The following FAM222B variants were observed in gnomAD, a reference collection of about 807,000 sequenced individuals.
The protein encoded by FAM222B is family with sequence similarity 222 member B.
FAM222B carries 12 observed loss-of-function variants against 38.0 expected under a neutral mutation model. The observed-to-expected ratio is 0.32, with a 90% confidence interval of 0.20 to 0.51. FAM222B has a LOEUF of 0.51. FAM222B is among the 20% of genes least tolerant of loss of function. FAM222B has a pLI of 0.97. For synonymous variants in FAM222B, 329 were observed against 317.2 expected (o/e 1.04, Z -0.40); for missense variants, 716 against 754.2 (o/e 0.95, Z 0.59).
chr17:28,782,212 C>CCT (rs2036194782), intron 1 of FAM222B, among the ~76,000 whole-genome samples: 1 of 152,092 alleles, frequency 6.6e-6, no homozygotes, highest in Admixed American at 6.6e-5. Context: ...GTCCCAGCTG[C>CCT]TCGGGAGGCT....
upstream of FAM222B, among the ~76,000 whole-genome samples, chr17:28,844,875 C>A (rs1180201481): frequency 2.6e-5 from 4 of 151,762 alleles, no homozygotes; most frequent in Admixed American, 2.0e-4. Context: ...TTAAGGCGGG[C>A]GGATCACTTG....
chr17:28,808,983 G>A (rs1183288951), intron 1 of FAM222B, among the ~76,000 whole-genome samples: 2 of 152,202 alleles, frequency 1.3e-5, no homozygotes, highest in Middle Eastern at 3.4e-3. Context: ...TGTGAACAGG[G>A]GATTAGTCTC....
intron 1 of FAM222B, among the ~76,000 whole-genome samples, chr17:28,811,256 C>T (rs1272746997): frequency 6.6e-6 from 1 of 152,066 alleles, no homozygotes; most frequent in Non-Finnish European, 1.5e-5. Flanking sequence ...CTGGCTAACA[C>T]GGTGAAACCC....
chr17:28,776,624 T>A (rs2035911277), intron 1 of FAM222B, among the ~76,000 whole-genome samples: 1 of 151,802 alleles, frequency 6.6e-6, no homozygotes, highest in Non-Finnish European at 1.5e-5. Flanking sequence ...GGTTAATTTT[T>A]AAAAATTTTT....
At chr17:28,847,913 CAAAAA>C (rs35199325) in intron 1 of FAM222B, among the ~76,000 whole-genome samples, 2 of 99,470 alleles carry the variant, frequency 2.0e-5, no homozygotes, top group Non-Finnish European at 4.5e-5. Flanking sequence ...GACTCCGCCT[CAAAAA>C]AAAAAAAAAG....
At chr17:28,838,067 A>AC (rs1402815482) in intron 1 of FAM222B, among the ~76,000 whole-genome samples, 1 of 151,260 alleles carries the variant, frequency 6.6e-6, no homozygotes, top group Non-Finnish European at 1.5e-5. Context: ...GGAGTTCGAG[A>AC]CCAGACTGGC....
Position 28,758,265 on chromosome 17 carries a change from G to A in FAM222B, c.*5C>T. 5.8e-6 allele frequency: 9 copies of A among 1,557,922 alleles called. No individual in the cohort carries two copies. The highest frequency in any genetic ancestry group is 7.8e-6 in the Non-Finnish European group (9 of 1,152,174). On this transcript the variant is annotated 3_prime_UTR_variant, in exon 3 of 3. Coordinates refer to ENST00000581407, the MANE Select transcript of FAM222B (RefSeq NM_001077498.3). ...TGTGTTGCACGTGGAGGGCAGCAGG[G>A]CTACCTATCTATACCCTGGGTGCTG...
intron 1 of FAM222B, among the ~76,000 whole-genome samples, chr17:28,777,847 G>A (rs2035963101): frequency 6.6e-6 from 1 of 151,620 alleles, no homozygotes; most frequent in Non-Finnish European, 1.5e-5. Context: ...GGAGTGTGGT[G>A]GCTTAATCTT....
intron 1 of FAM222B, among the ~76,000 whole-genome samples, chr17:28,798,364 C>CA (rs574433457): frequency 9.5e-4 from 145 of 152,144 alleles, no homozygotes; most frequent in Middle Eastern, 3.4e-3. Flanking sequence ...CCCGGGCAAA[C>CA]AGAGTAAGAC....
intron 1 of FAM222B, among the ~76,000 whole-genome samples, chr17:28,780,007 G>C (rs983931704): frequency 3.3e-5 from 5 of 149,904 alleles, no homozygotes; most frequent in Non-Finnish European, 5.9e-5. Flanking sequence ...GTCTCGCTCT[G>C]TCGCCCAGGC....
chr17:28,816,631 TAAAAAAAACA>T (rs1357385010), intron 1 of FAM222B, among the ~76,000 whole-genome samples: 2 of 149,482 alleles, frequency 1.3e-5, no homozygotes, highest in Non-Finnish European at 3.0e-5. Flanking sequence ...TAGAACGGAA[TAAAAAAAACA>T]AAAAAAAACA....
intron 1 of FAM222B, chr17:28,766,940 A>G: frequency 2.4e-6 from 1 of 418,568 alleles, no homozygotes; most frequent in Non-Finnish European, 4.4e-6. Context: ...GATGGGAGAA[A>G]TAAAACTGGA....
At position 28,758,525 on chromosome 17, in the gene FAM222B, C is replaced by G. The variant is rs191008863; in HGVS notation, c.1434G>C (p.Gly478=). ...SQDLAMPFHG[G]QPTGAPLDCA... is the part of the protein sequence containing the mutation. Reference sequence around the variant, plus strand: ...AGTCGAGGGGTGCACCTGTGGGCTGCCCACCGTGGAACGGCATGGCAAGGT... The same window carrying G: ...AGTCGAGGGGTGCACCTGTGGGCTGGCCACCGTGGAACGGCATGGCAAGGT... Residue 478 remains glycine (G), a synonymous_variant, in exon 3 of 3, where the codon GGG becomes GGC. Transcript: ENST00000581407. 2.0e-4 allele frequency: 320 copies of G among 1,611,122 alleles called. 1 individual carries two copies. Among genetic ancestry groups the G allele is most frequent in the Admixed American group, 1.6e-3 (96 of 60,010 alleles).
chr17:28,767,453 C>T (rs575955444), intron 1 of FAM222B, among the ~76,000 whole-genome samples: 11 of 151,904 alleles, frequency 7.2e-5, no homozygotes, highest in South Asian at 2.1e-4. Flanking sequence ...CCACTGCACC[C>T]GGCCATGAAC....
intron 1 of FAM222B, among the ~76,000 whole-genome samples, chr17:28,822,880 T>C (rs868810968): frequency 2.6e-5 from 3 of 115,740 alleles, no homozygotes; most frequent in African/African-American, 6.9e-5. Flanking sequence ...CATATATATA[T>C]ATACACACAC....
intron 1 of FAM222B, among the ~76,000 whole-genome samples, chr17:28,823,270 T>G (rs912121596): frequency 1.3e-5 from 2 of 152,098 alleles, no homozygotes; most frequent in African/African-American, 4.8e-5. Flanking sequence ...CTACTGGAAG[T>G]CACCAATAAT....
intron 1 of FAM222B, among the ~76,000 whole-genome samples, chr17:28,789,258 G>A (rs920738675): frequency 6.6e-6 from 1 of 150,688 alleles, no homozygotes; most frequent in African/African-American, 2.4e-5. Context: ...GTGTGCAGTG[G>A]CGGAATCTCA....
intron 2 of FAM222B, among the ~76,000 whole-genome samples, chr17:28,763,942 T>C (rs2035204766): frequency 1.3e-5 from 2 of 152,200 alleles, no homozygotes; most frequent in South Asian, 4.1e-4. Context: ...AAGGTAATTT[T>C]GGCATTTGTC....
Position 28,792,265 on chromosome 17 carries a change from T to C in FAM222B, c.-40-25558A>G, listed in dbSNP as rs961603750. The stretch of plus-strand genomic sequence containing the variant: ...AGGCGGAGCTTGCAGTGAGCCGAGA[T>C]TGCGCCACTGCACTCCTGCCTGGGC... On this transcript the variant is annotated intron_variant, in intron 1 of 2. Coordinates refer to ENST00000581407, the MANE Select transcript of FAM222B (RefSeq NM_001077498.3). Among the ~76,000 whole-genome samples the C allele has an allele frequency of 5.3e-5, 8 of 150,104 alleles. No homozygotes were observed. The East Asian group carries it at 5.9e-4, about 11-fold the overall frequency.
Sources: allele counts gnomAD v4.1 joint callset (sites outside exome capture counted in the v4.1 genomes callset), GRCh38; gene constraint gnomAD v4.1.1; transcripts MANE v1.5; gene names NCBI Gene and HGNC (gene_info 2026-07-23, HGNC 2026-07-21).